The following DENND4A variants were observed in gnomAD, a reference collection of about 807,000 sequenced individuals.
DENND4A encodes DENN domain containing 4A.
DENND4A carries 70 observed loss-of-function variants against 199.3 expected under a neutral mutation model. The observed-to-expected ratio is 0.35, with a 90% confidence interval of 0.29 to 0.43. The LOEUF (loss-of-function observed/expected upper bound fraction) is 0.43. Among genes scored for constraint, DENND4A ranks in the 20% least tolerant of loss-of-function variants. The probability of loss-of-function intolerance (pLI) is 1.00; values close to 1 mark genes in which losing one functional copy is unlikely to be tolerated. For synonymous variants in DENND4A, 686 were observed against 766.9 expected (o/e 0.89, Z 1.74); for missense variants, 1,723 against 2,255.8 (o/e 0.76, Z 4.78).
intron 23 of DENND4A, among the ~76,000 whole-genome samples, chr15:65,686,322 G>A (rs2076779023): frequency 2.0e-5 from 3 of 152,130 alleles, no homozygotes; most frequent in South Asian, 4.1e-4. Context: ...CTTGAAAATA[G>A]TGTATTCTGT....
chr15:65,733,445 C>T (rs933908237), intron 7 of DENND4A, among the ~76,000 whole-genome samples: 4 of 151,928 alleles, frequency 2.6e-5, no homozygotes, highest in Admixed American at 1.3e-4. Flanking sequence ...ATTTTTGTTC[C>T]AGTCTGAATA....
intron 24 of DENND4A, among the ~76,000 whole-genome samples, chr15:65,676,147 T>TATATATATATATATATATAC: frequency 7.0e-6 from 1 of 143,768 alleles, no homozygotes; most frequent in South Asian, 2.2e-4. Flanking sequence ...GAAAAATATA[T>TATATATATATATATATATAC]ATATATATAT....
At chr15:65,675,631 G>A (rs560291417) in intron 24 of DENND4A, among the ~76,000 whole-genome samples, 6 of 150,702 alleles carry the variant, frequency 4.0e-5, no homozygotes, top group Non-Finnish European at 8.9e-5. Flanking sequence ...AAATGCAAAT[G>A]GTCCTTAAAC....
At chr15:65,720,982 T>TATATATATATATATATATATATATA (rs71447856) in intron 12 of DENND4A, among the ~76,000 whole-genome samples, 157 of 123,626 alleles carry the variant, frequency 1.3e-3, no homozygotes, top group Middle Eastern at 4.2e-3. Flanking sequence ...TATATATATA[T>TATATATATATATATATATATATATA]TTGTACTTTT....
At chr15:65,755,314 T>C (rs530522730) in intron 3 of DENND4A, among the ~76,000 whole-genome samples, 1 of 152,352 alleles carries the variant, frequency 6.6e-6, no homozygotes, top group East Asian at 1.9e-4. Context: ...ATTGTGGTGA[T>C]GGTTGCAAAA....
Position 65,722,905 on chromosome 15 carries a change from T to C in DENND4A, c.1531A>G (p.Lys511Glu). Residue 511 changes from lysine to glutamate, a missense_variant, in exon 12 of 33, where the codon AAG becomes GAG. Physicochemically the swap from Lys to Glu is moderately conservative, Grantham distance 56. Around this residue, in one of 6 missense-constraint regions of DENND4A, gnomAD observed 725 missense variants for 952.9 expected, o/e 0.76. Transcript: ENST00000443035. ...KNVAWKILPKKPCKNLMNTLN... is the reference protein window; with the variant it reads ...KNVAWKILPKEPCKNLMNTLN... ...GTGTTCATCAGATTTTTACATGGCT[T>C]CTTTGGAAGTATCTTCCAGGCTACA... The C allele has an allele frequency of 6.2e-7, 1 of 1,610,154 alleles. No individual in the cohort carries two copies. The highest frequency in any genetic ancestry group is 8.5e-7 in the Non-Finnish European group (1 of 1,178,530).
chr15:65,720,665 G>A (rs192149912), intron 12 of DENND4A, among the ~76,000 whole-genome samples: 2 of 151,766 alleles, frequency 1.3e-5, no homozygotes, highest in Admixed American at 1.3e-4. Flanking sequence ...ACCTGCCTCG[G>A]CCTCCCAAAG....
intron 23 of DENND4A, among the ~76,000 whole-genome samples, chr15:65,677,596 CTAAA>C (rs373356965): frequency 7.9e-4 from 121 of 152,272 alleles, no homozygotes; most frequent in African/African-American, 2.8e-3. Flanking sequence ...TTCTCCACTC[CTAAA>C]TGAGAAAAAA....
intron 1 of DENND4A, among the ~76,000 whole-genome samples, chr15:65,789,192 A>C (rs967397838): frequency 6.6e-6 from 1 of 152,212 alleles, no homozygotes; most frequent in Non-Finnish European, 1.5e-5. Context: ...TTTAAAAAAA[A>C]CTTTTGTTTT....
chr15:65,748,794 G>A lies in DENND4A; in HGVS notation c.561+3585C>T, dbSNP rs552541708. 1.1e-4 allele frequency among the ~76,000 whole-genome samples: 16 copies of A among 151,730 alleles called. No homozygotes were observed. In the East Asian group the frequency reaches 1.2e-3, roughly 11 times the overall value. Reference sequence around the variant, plus strand: ...GGAGCTCAGGAGTTCAAGACGAGCCGGGGGTATGTAGGGAAACCTCAATTC... The same window carrying A: ...GGAGCTCAGGAGTTCAAGACGAGCCAGGGGTATGTAGGGAAACCTCAATTC... On this transcript the variant is annotated intron_variant, in intron 4 of 32. Transcript: ENST00000443035.
In DENND4A at chr15:65,729,659, G is replaced by C; in HGVS notation, c.1186C>G (p.Leu396Val). The change falls in exon 10 of 33, where the codon CTA becomes GTA. Residue 396 changes from leucine (L) to valine (V), a missense_variant. By Grantham distance (32) the Leu-to-Val change is conservative. Transcript: ENST00000443035. ...TTTTCAGGGCCTAAATTCTGCAGTA[G>C]TGTTGAAAACTTGCCACCACTGTCA... ...LPLSGGKFSTLLQNLGPENAV... is the reference protein window; with the variant it reads ...LPLSGGKFSTVLQNLGPENAV... The C allele has an allele frequency of 6.4e-7, 1 of 1,553,156 alleles. No homozygotes were observed. The highest frequency in any genetic ancestry group is 8.7e-7 in the Non-Finnish European group (1 of 1,148,146).
chr15:65,721,788 C>T (rs1357539270), intron 12 of DENND4A, among the ~76,000 whole-genome samples: 1 of 151,688 alleles, frequency 6.6e-6, no homozygotes, highest in Non-Finnish European at 1.5e-5. Context: ...ACTGCTATAC[C>T]ACTATTGACT....
At chr15:65,734,397 C>T (rs2076051714) in intron 7 of DENND4A, among the ~76,000 whole-genome samples, 1 of 152,222 alleles carries the variant, frequency 6.6e-6, no homozygotes, top group African/African-American at 2.4e-5. Flanking sequence ...CCACTATTGT[C>T]TTGTGACCCT....
At chr15:65,776,503 A>AT (rs938197847) in intron 1 of DENND4A, among the ~76,000 whole-genome samples, 4 of 152,124 alleles carry the variant, frequency 2.6e-5, no homozygotes, top group Non-Finnish European at 4.4e-5. Context: ...AAAAATCATA[A>AT]TTTTTTTAAT....
intron 1 of DENND4A, among the ~76,000 whole-genome samples, chr15:65,791,046 A>G (rs2077704410): frequency 6.6e-6 from 1 of 152,328 alleles, no homozygotes; most frequent in South Asian, 2.1e-4. Context: ...CATTCGGGCT[A>G]TTCTTTTCAT....
At chr15:65,705,933 A>ATTTT in intron 15 of DENND4A, 158 bp downstream of exon 15, 1 of 920,986 alleles carries the variant, frequency 1.1e-6, no homozygotes, top group Non-Finnish European at 1.3e-6. Context: ...TTATACCTCA[A>ATTTT]AGCTTAATAA....
At chr15:65,687,870 G>A (rs2076844541) in intron 23 of DENND4A, among the ~76,000 whole-genome samples, 1 of 152,190 alleles carries the variant, frequency 6.6e-6, no homozygotes, top group East Asian at 1.9e-4. Flanking sequence ...TGCAAGTGTG[G>A]TTTTGAGTTT....
intron 1 of DENND4A, among the ~76,000 whole-genome samples, chr15:65,776,032 G>A (rs575164377): frequency 6.6e-6 from 1 of 152,208 alleles, no homozygotes; most frequent in East Asian, 1.9e-4. Context: ...TTTTCTCCAT[G>A]AGACCGTCAT....
intron 11 of DENND4A, among the ~76,000 whole-genome samples, chr15:65,725,689 TAAA>T (rs11392836): frequency 8.2e-6 from 1 of 121,538 alleles, no homozygotes; most frequent in Admixed American, 8.6e-5. Flanking sequence ...AAAATAAAAA[TAAA>T]AAAAATAAAA....
Sources: allele counts gnomAD v4.1 joint callset (sites outside exome capture counted in the v4.1 genomes callset), GRCh38; gene constraint gnomAD v4.1.1; regional missense constraint gnomAD v4.1.1; transcripts MANE v1.5; gene names NCBI Gene and HGNC (gene_info 2026-07-23, HGNC 2026-07-21).